The following CPB2 variants were observed in gnomAD, a reference collection of about 807,000 sequenced individuals.
The protein encoded by CPB2 is carboxypeptidase B2.
A neutral mutation model predicts 57.0 loss-of-function variants in CPB2; 54 were observed. That is an observed-to-expected ratio of 0.95 (90% CI 0.76 to 1.19). The LOEUF (loss-of-function observed/expected upper bound fraction) is 1.19, where lower values mean the gene tolerates loss of function less well. CPB2 is among the 50% of genes most tolerant of loss of function. The probability of loss-of-function intolerance (pLI) is 0.00; values close to 1 mark genes in which losing one functional copy is unlikely to be tolerated. For synonymous variants in CPB2, 189 were observed against 178.1 expected (o/e 1.06, Z -0.49); for missense variants, 426 against 512.0 (o/e 0.83, Z 1.62).
rs1423542334 is a variant in CPB2 at position 46,058,355 on chromosome 13, A to G, written c.823T>C (p.Ser275Pro). 6.2e-7 allele frequency: 1 copy of G among 1,614,098 alleles called. No individual in the cohort carries two copies. Residue 275 changes from serine (S) to proline (P), a missense_variant, in exon 9 of 11, where the codon TCG becomes CCG. Coordinates refer to ENST00000181383, the MANE Select transcript of CPB2 (RefSeq NM_001872.5). ...CEEGASSSSC[S>P]ETYCGLYPES... The stretch of plus-strand genomic sequence containing the variant: ...GGATAAAGTCCACAGTAGGTTTCCG[A>G]GCATGAGGAACTGGATGCACCTTCC...
At chr13:46,065,626 CAAAAAAAAAA>C (rs397851865) in intron 7 of CPB2, among the ~76,000 whole-genome samples, 2 of 62,010 alleles carry the variant, frequency 3.2e-5, no homozygotes, top group Non-Finnish European at 5.9e-5. Flanking sequence ...GACTCCGTCT[CAAAAAAAAAA>C]AAAAAAAAAA....
chr13:46,088,254 C>T lies in CPB2; in HGVS notation c.75-434G>A, dbSNP rs145993549. On this transcript the variant is annotated intron_variant, in intron 1 of 10. Coordinates refer to ENST00000181383, the MANE Select transcript of CPB2 (RefSeq NM_001872.5). ...CTTGTGTGCTCCTCTCTGTCCTACC[C>T]CCTTGCCACATCACCAGAGGTATCC... Among the ~76,000 whole-genome samples the T allele has an allele frequency of 6.8e-3, 1,034 of 152,268 alleles. 10 individuals carry two copies. The highest frequency in any genetic ancestry group is 0.024 in the African/African-American group (998 of 41,546).
chr13:46,065,571 G>C lies in CPB2; in HGVS notation c.703-830C>G, dbSNP rs554547115. Reference sequence around the variant, plus strand: ...GAACCTGGGAGGCGGAGCTTGCAGTGAGCCGAGATCTTGCCACTGCACTCC... The same window carrying C: ...GAACCTGGGAGGCGGAGCTTGCAGTCAGCCGAGATCTTGCCACTGCACTCC... On this transcript the variant is annotated intron_variant, in intron 7 of 10. Transcript: ENST00000181383. Among the ~76,000 whole-genome samples the C allele has an allele frequency of 3.4e-5, 5 of 146,262 alleles. No individual in the cohort carries two copies. The South Asian group carries it at 1.1e-3, about 32-fold the overall frequency.
chr13:46,097,985 T>A (rs569584929), intron 1 of CPB2, among the ~76,000 whole-genome samples: 1 of 152,356 alleles, frequency 6.6e-6, no homozygotes, highest in South Asian at 2.1e-4. Flanking sequence ...GGCGAGGAGT[T>A]ACCATGGGTT....
intron 1 of CPB2, among the ~76,000 whole-genome samples, chr13:46,104,415 C>A (rs1313962531): frequency 1.3e-5 from 2 of 152,218 alleles, no homozygotes; most frequent in Admixed American, 1.3e-4. Context: ...CTAAGGGAAT[C>A]TACTAAGCAA....
chr13:46,076,070 G>A (rs898644050), intron 5 of CPB2, among the ~76,000 whole-genome samples: 2 of 152,170 alleles, frequency 1.3e-5, no homozygotes, highest in East Asian at 1.9e-4. Context: ...AGCCTTGTCC[G>A]GCTGTTTGTC....
At chr13:46,101,082 T>C (rs1388815715) in intron 1 of CPB2, 1 of 148,822 alleles carries the variant, frequency 6.7e-6, no homozygotes, top group Non-Finnish European at 1.5e-5. Context: ...CTTAGGAGTA[T>C]TTTTTTTTTG....
At chr13:46,079,843 C>A (rs2139387399) in intron 4 of CPB2, among the ~76,000 whole-genome samples, 1 of 152,292 alleles carries the variant, frequency 6.6e-6, no homozygotes, top group East Asian at 1.9e-4. Flanking sequence ...ACATAACCAG[C>A]ATGAGTGGTA....
At chr13:46,087,197 C>T (rs938429640) in intron 2 of CPB2, among the ~76,000 whole-genome samples, 1 of 152,218 alleles carries the variant, frequency 6.6e-6, no homozygotes, top group Non-Finnish European at 1.5e-5. Flanking sequence ...GAGGCTGCCG[C>T]CCTGCCATCA....
At chr13:46,062,999 C>T (rs1315080472) in intron 8 of CPB2, among the ~76,000 whole-genome samples, 1 of 152,146 alleles carries the variant, frequency 6.6e-6, no homozygotes, top group African/African-American at 2.4e-5. Flanking sequence ...TCTGTGGATA[C>T]AATAGCTTCT....
At chr13:46,084,519 A>T (rs1478389027) in intron 2 of CPB2, among the ~76,000 whole-genome samples, 176 bp from the exon 3 acceptor site, 5 of 152,180 alleles carry the variant, frequency 3.3e-5, no homozygotes, top group African/African-American at 1.2e-4. Context: ...TGAGTTTTTT[A>T]AAATTCCTTT....
Position 46,058,374 on chromosome 13 carries a change from A to G in CPB2, c.804T>C (p.Gly268=). The G allele has an allele frequency of 6.2e-7, 1 of 1,613,836 alleles. No individual in the cohort carries two copies. Among genetic ancestry groups the G allele is most frequent in the Non-Finnish European group, 8.5e-7 (1 of 1,179,786 alleles). The change falls in exon 9 of 11, where the codon GGT becomes GGC. Residue 268 remains glycine (G), a synonymous_variant. Coordinates refer to ENST00000181383, the MANE Select transcript of CPB2 (RefSeq NM_001872.5). ...TTTCCGAGCATGAGGAACTGGATGC[A>G]CCTTCCTCTGTAACGAAATTGTTAA... ...NFASKHWCEE[G]ASSSSCSETY... is the part of the protein sequence containing the mutation.
chr13:46,094,579 TAG>T (rs1011698368), intron 1 of CPB2, among the ~76,000 whole-genome samples: 2 of 152,132 alleles, frequency 1.3e-5, no homozygotes, highest in Non-Finnish European at 2.9e-5. Context: ...GATCCCTGTA[TAG>T]AGAAGCCAGG....
rs2045272538 is a variant in CPB2, at chr13:46,090,295, A to G, written c.75-2475T>C. 2.6e-5 allele frequency among the ~76,000 whole-genome samples: 4 copies of G among 152,100 alleles called. No homozygotes were observed. In the South Asian group the frequency reaches 8.3e-4, roughly 32 times the overall value. ...ATCAATAGATTAATAATTTGGAAAG[A>G]ACAGATATACTCATGATTCTGAGTG... On this transcript the variant is annotated intron_variant, in intron 1 of 10. Coordinates refer to ENST00000181383, the MANE Select transcript of CPB2 (RefSeq NM_001872.5).
chr13:46,103,323 C>A (rs1263862945), intron 1 of CPB2, among the ~76,000 whole-genome samples: 1 of 152,212 alleles, frequency 6.6e-6, no homozygotes, highest in Non-Finnish European at 1.5e-5. Flanking sequence ...TGAGACTGAA[C>A]CTCTAATCCC....
rs141295433 is a variant in CPB2 at position 46,053,377 on chromosome 13, T to A, written c.*237A>T. 136 of 447,770 alleles carry A rather than the reference T, an allele frequency of 3.0e-4. No individual in the cohort carries two copies. The highest frequency in any genetic ancestry group is 2.4e-3 in the African/African-American group (121 of 50,362). 27.7% of individuals were successfully genotyped at this position (447,770 alleles called of 1,614,324 possible). On this transcript the variant is annotated 3_prime_UTR_variant, in exon 11 of 11. Coordinates refer to ENST00000181383, the MANE Select transcript of CPB2 (RefSeq NM_001872.5). Reference sequence around the variant, plus strand: ...GAGATGGCTAGTCAAACGTCGAAAATCAAAGAAAAAGTAGGTAACTAGACT... The same window carrying A: ...GAGATGGCTAGTCAAACGTCGAAAAACAAAGAAAAAGTAGGTAACTAGACT...
intron 1 of CPB2, among the ~76,000 whole-genome samples, chr13:46,092,131 T>A (rs978569128): frequency 6.6e-6 from 1 of 152,238 alleles, no homozygotes; most frequent in African/African-American, 2.4e-5. Context: ...GAAAAAATGC[T>A]TCCTCTTGCT....
chr13:46,091,009 C>T (rs1277384957), intron 1 of CPB2, among the ~76,000 whole-genome samples: 5 of 152,252 alleles, frequency 3.3e-5, no homozygotes, highest in African/African-American at 9.6e-5. Flanking sequence ...CAGGCGTGAG[C>T]CACCGTGCCC....
intron 1 of CPB2, among the ~76,000 whole-genome samples, chr13:46,097,793 T>C (rs1395204908): frequency 6.6e-6 from 1 of 152,210 alleles, no homozygotes; most frequent in Non-Finnish European, 1.5e-5. Flanking sequence ...AGTTGGAGTG[T>C]TTCCATATAC....
Sources: gnomAD v4.1 joint callset for allele counts (sites outside exome capture counted in the v4.1 genomes callset) on GRCh38, gnomAD v4.1.1 for gene constraint, MANE v1.5 for transcripts, NCBI Gene and HGNC (gene_info 2026-07-23, HGNC 2026-07-21) for gene names.